The following SLC44A3 variants were observed in gnomAD, a reference collection of about 807,000 sequenced individuals.
SLC44A3 encodes the protein solute carrier family 44 member 3.
SLC44A3 carries 74 observed loss-of-function variants against 75.4 expected under a neutral mutation model. The observed-to-expected ratio is 0.98, with a 90% CI of 0.81 to 1.19. The LOEUF (loss-of-function observed/expected upper bound fraction) is 1.19, where lower values mean the gene tolerates loss of function less well. SLC44A3 is among the 50% of genes most tolerant of loss of function. SLC44A3 has a pLI of 0.00. For synonymous variants in SLC44A3, 310 were observed against 296.9 expected (o/e 1.04, Z -0.45); for missense variants, 700 against 778.6 (o/e 0.90, Z 1.20).
chr1:94,821,975 G>GT (rs1416339904), intron 2 of SLC44A3, among the ~76,000 whole-genome samples: 1 of 152,194 alleles, frequency 6.6e-6, no homozygotes, highest in Non-Finnish European at 1.5e-5. Context: ...ATAATCAGAT[G>GT]TTTTTTGTTG....
intron 5 of SLC44A3, among the ~76,000 whole-genome samples, chr1:94,829,127 A>C (rs1448705805): frequency 2.6e-5 from 4 of 152,074 alleles, no homozygotes; most frequent in Non-Finnish European, 4.4e-5. Flanking sequence ...TACTAAAAAT[A>C]CAAAAATTAG....
At chr1:94,858,572 C>G (rs1394986288) in intron 10 of SLC44A3, among the ~76,000 whole-genome samples, 1 of 152,144 alleles carries the variant, frequency 6.6e-6, no homozygotes, top group Non-Finnish European at 1.5e-5. Context: ...GCCTCTCAGA[C>G]CAAATGAGAG....
intron 5 of SLC44A3, among the ~76,000 whole-genome samples, chr1:94,830,693 T>G (rs1662009626): frequency 6.6e-6 from 1 of 152,168 alleles, no homozygotes; most frequent in Non-Finnish European, 1.5e-5. Flanking sequence ...AGAGGAGGAC[T>G]TTTTTAAGAA....
chr1:94,863,467 C>G (rs935059482), intron 10 of SLC44A3, among the ~76,000 whole-genome samples: 4 of 152,132 alleles, frequency 2.6e-5, no homozygotes, highest in African/African-American at 9.7e-5. Flanking sequence ...CCCTGCCTCC[C>G]CTCTTGAGCA....
At chr1:94,833,177 C>T (rs1409856058) in intron 5 of SLC44A3, among the ~76,000 whole-genome samples, 1 of 152,078 alleles carries the variant, frequency 6.6e-6, no homozygotes, top group Non-Finnish European at 1.5e-5. Context: ...GTCTAAGGGG[C>T]TGGTGCAGCA....
intron 9 of SLC44A3, among the ~76,000 whole-genome samples, chr1:94,851,697 T>C (rs942955738): frequency 5.3e-5 from 8 of 152,244 alleles, no homozygotes; most frequent in East Asian, 1.9e-4. Context: ...CTAATCCTCA[T>C]GCTGCCAGAG....
intron 13 of SLC44A3, among the ~76,000 whole-genome samples, chr1:94,891,939 G>A (rs1571492391): frequency 3.3e-5 from 5 of 152,034 alleles, no homozygotes. Flanking sequence ...AAGAGGGATG[G>A]TTTCTAAAAA....
At chr1:94,858,950 A>G (rs114261161) in intron 10 of SLC44A3, among the ~76,000 whole-genome samples, 1,722 of 152,200 alleles carry the variant, frequency 0.011, 33 homozygotes, top group African/African-American at 0.039. Flanking sequence ...TAGTCCTCCC[A>G]AAGTGCTGGG....
At chr1:94,894,610 A>G (rs1670574791) in intron 14 of SLC44A3, among the ~76,000 whole-genome samples, 1 of 152,082 alleles carries the variant, frequency 6.6e-6, no homozygotes. Context: ...TCCCTTTCCC[A>G]AAAACAGAAT....
chr1:94,861,305 G>GA (rs1666540419), intron 10 of SLC44A3, among the ~76,000 whole-genome samples: 1 of 152,146 alleles, frequency 6.6e-6, no homozygotes, highest in Admixed American at 6.5e-5. Context: ...TTTCATAGTA[G>GA]AAAAGTCAGT....
intron 12 of SLC44A3, among the ~76,000 whole-genome samples, chr1:94,874,511 G>C (rs1668074006): frequency 6.6e-6 from 1 of 152,218 alleles, no homozygotes; most frequent in African/African-American, 2.4e-5. Flanking sequence ...TTCTCAGAGA[G>C]GGAAGTAATG....
intron 7 of SLC44A3, among the ~76,000 whole-genome samples, chr1:94,841,538 G>C (rs983157795): frequency 6.6e-6 from 1 of 152,174 alleles, no homozygotes; most frequent in African/African-American, 2.4e-5. Context: ...ATGAGCTTCT[G>C]ACTTCCATGA....
rs1268696872 is a variant in SLC44A3 at position 94,864,904 on chromosome 1, G to C, written c.1395+5G>C. 1.2e-6 allele frequency: 2 copies of C among 1,613,012 alleles called. No individual in the cohort carries two copies. The highest frequency in any genetic ancestry group is 2.2e-5 in the South Asian group (2 of 90,960). On this transcript the variant is annotated splice_donor_5th_base_variant and intron_variant, in intron 11 of 14. Transcript: ENST00000271227. ...CAAAACGCACTGAAAGAACAGGTAA[G>C]GCTACCTCCTGATACACAGCACGTT...
chr1:94,888,643 T>C lies in SLC44A3; in HGVS notation c.1483-2487T>C, dbSNP rs988889704. ...CCAAAATTTCCTTGTGGAACTTTCT[T>C]TTTTTTTTTTGCAGGAAATTCATCT... On this transcript the variant is annotated intron_variant, in intron 12 of 14. Transcript: ENST00000271227. The C allele has an allele frequency of 2.7e-5, 24 of 879,816 alleles. No homozygotes were observed. In the East Asian group the frequency reaches 2.5e-3, roughly 93 times the overall value. 54.5% of individuals were successfully genotyped at this position (879,816 alleles called of 1,614,324 possible). A position where few individuals can be genotyped will look rare whatever the true frequency, so the allele number is the denominator to read the frequency against.
intron 9 of SLC44A3, among the ~76,000 whole-genome samples, chr1:94,852,540 A>G (rs1270207639): frequency 1.3e-5 from 2 of 152,218 alleles, no homozygotes; most frequent in African/African-American, 2.4e-5. Flanking sequence ...GCACACAGTC[A>G]GATCCTGGGG....
chr1:94,848,539 G>A (rs1455982257), intron 9 of SLC44A3, among the ~76,000 whole-genome samples: 1 of 152,210 alleles, frequency 6.6e-6, no homozygotes, highest in Non-Finnish European at 1.5e-5. Context: ...CAGCCAGGGG[G>A]CCCCTTGTTG....
intron 9 of SLC44A3, among the ~76,000 whole-genome samples, chr1:94,846,875 A>G (rs1311665325): frequency 1.3e-5 from 2 of 152,262 alleles, no homozygotes; most frequent in Non-Finnish European, 2.9e-5. Context: ...AACAGCTGCC[A>G]TGTAATAGAT....
intron 12 of SLC44A3, among the ~76,000 whole-genome samples, chr1:94,872,003 TTC>T (rs1667809840): frequency 1.3e-5 from 2 of 152,230 alleles, no homozygotes; most frequent in Admixed American, 6.5e-5. Context: ...AAAAGAACAC[TTC>T]GCTACCACCA....
At chr1:94,842,743 A>G (rs969500439) in intron 8 of SLC44A3, among the ~76,000 whole-genome samples, 2 of 152,232 alleles carry the variant, frequency 1.3e-5, no homozygotes, top group Non-Finnish European at 1.5e-5. Flanking sequence ...CACTGGCTTC[A>G]GGTCCCCCAG....
Sources: allele counts gnomAD v4.1 joint callset (sites outside exome capture counted in the v4.1 genomes callset), GRCh38; gene constraint gnomAD v4.1.1; transcripts MANE v1.5; gene names NCBI Gene and HGNC (gene_info 2026-07-23, HGNC 2026-07-21).